Variants in PLCL1 observed in about 807,000 individuals in gnomAD.
PLCL1 encodes the protein inactive phospholipase C-like protein 1.
PLCL1 carries 41 observed loss-of-function variants against 84.4 expected under a neutral mutation model. That is an observed-to-expected ratio of 0.49 (90% CI 0.38 to 0.63). PLCL1 has a LOEUF of 0.63. Ranked by LOEUF, PLCL1 falls within the 30% of genes least tolerant of loss-of-function variation. The pLI is 0.00. For synonymous variants in PLCL1, 490 were observed against 488.3 expected (o/e 1.00, Z -0.05); for missense variants, 1,206 against 1,367.8 (o/e 0.88, Z 1.87).
At chr2:198,051,787 T>G (rs1053911588) in intron 1 of PLCL1, among the ~76,000 whole-genome samples, 26 of 152,182 alleles carry the variant, frequency 1.7e-4, no homozygotes, top group African/African-American at 6.0e-4. Flanking sequence ...CAGGCTGGAG[T>G]GCAGTGGCGC....
chr2:198,018,937 G>GA (rs1165045901), intron 1 of PLCL1, among the ~76,000 whole-genome samples: 1 of 152,230 alleles, frequency 6.6e-6, no homozygotes, highest in African/African-American at 2.4e-5. Context: ...TTCTGACGGG[G>GA]AAATATCTCC....
intron 1 of PLCL1, among the ~76,000 whole-genome samples, chr2:197,828,621 T>C (rs985795497): frequency 8.5e-5 from 13 of 152,164 alleles, no homozygotes; most frequent in Non-Finnish European, 1.9e-4. Flanking sequence ...AAAGGAAATT[T>C]TGTAAAAGTA....
chr2:198,047,557 A>T (rs996447138), intron 1 of PLCL1, among the ~76,000 whole-genome samples: 1 of 152,180 alleles, frequency 6.6e-6, no homozygotes, highest in Non-Finnish European at 1.5e-5. Context: ...GAAGAACACA[A>T]TTTTAATAGG....
intron 1 of PLCL1, among the ~76,000 whole-genome samples, chr2:197,941,769 C>A (rs932788906): frequency 6.6e-6 from 1 of 152,188 alleles, no homozygotes; most frequent in Non-Finnish European, 1.5e-5. Flanking sequence ...CTCTCTCTCT[C>A]CCATTGTTGG....
chr2:198,031,616 C>T (rs1371020731), intron 1 of PLCL1, among the ~76,000 whole-genome samples: 1 of 150,572 alleles, frequency 6.6e-6, no homozygotes, highest in Non-Finnish European at 1.5e-5. Context: ...TTAGCTTCCC[C>T]AGTGCTGAGG....
chr2:197,865,091 C>G (rs1202718249), intron 1 of PLCL1, among the ~76,000 whole-genome samples: 1 of 152,150 alleles, frequency 6.6e-6, no homozygotes, highest in Non-Finnish European at 1.5e-5. Context: ...AACAAATCAT[C>G]TTTTTATAAT....
intron 1 of PLCL1, among the ~76,000 whole-genome samples, chr2:197,833,394 G>T (rs888695155): frequency 1.3e-5 from 2 of 152,190 alleles, no homozygotes; most frequent in Non-Finnish European, 2.9e-5. Flanking sequence ...AGTTGTCTCT[G>T]TTTGCAGATG....
intron 1 of PLCL1, among the ~76,000 whole-genome samples, chr2:198,042,528 G>C (rs2040293450): frequency 6.6e-6 from 1 of 152,154 alleles, no homozygotes; most frequent in African/African-American, 2.4e-5. Context: ...AGACATCTCA[G>C]AGAAGAAGCA....
chr2:198,140,062 T>C (rs1299158275), intron 5 of PLCL1, among the ~76,000 whole-genome samples: 1 of 152,072 alleles, frequency 6.6e-6, no homozygotes, highest in Non-Finnish European at 1.5e-5. Flanking sequence ...GCCTCCTGAG[T>C]AGCTGGGATT....
At chr2:197,954,928 A>T (rs1689456181) in intron 1 of PLCL1, among the ~76,000 whole-genome samples, 1 of 152,104 alleles carries the variant, frequency 6.6e-6, no homozygotes, top group Non-Finnish European at 1.5e-5. Context: ...TTAAGAATTT[A>T]AGAGGAAGCT....
intron 1 of PLCL1, among the ~76,000 whole-genome samples, chr2:198,018,191 T>C (rs915513505): frequency 2.0e-5 from 3 of 152,176 alleles, no homozygotes; most frequent in South Asian, 4.1e-4. Flanking sequence ...GGGACAGTGC[T>C]ATCAGGACCA....
chr2:198,049,906 G>A (rs779797896), intron 1 of PLCL1, among the ~76,000 whole-genome samples: 1 of 152,216 alleles, frequency 6.6e-6, no homozygotes, highest in Non-Finnish European at 1.5e-5. Context: ...GCTGGTCTGT[G>A]TGTAACTAAA....
At chr2:197,984,915 T>A (rs1388723556) in intron 1 of PLCL1, among the ~76,000 whole-genome samples, 2 of 151,964 alleles carry the variant, frequency 1.3e-5, no homozygotes, top group Non-Finnish European at 2.9e-5. Flanking sequence ...CTAAAAATTT[T>A]AAAAATCCTC....
intron 1 of PLCL1, among the ~76,000 whole-genome samples, chr2:198,082,246 G>GT (rs1692731378): frequency 6.6e-6 from 1 of 152,184 alleles, no homozygotes; most frequent in Non-Finnish European, 1.5e-5. Flanking sequence ...ATTGAGAGAG[G>GT]TTAAGTGACT....
At position 197,949,996 on chromosome 2, in the gene PLCL1, A is replaced by G. The variant is rs575419389; in HGVS notation, c.241-133762A>G. Among the ~76,000 whole-genome samples the G allele has an allele frequency of 1.6e-4, 24 of 152,292 alleles. No homozygotes were observed. In the South Asian group the frequency reaches 1.7e-3, roughly 11 times the overall value. ...GAATGCAAGTTCTGCCTCCACCTCC[A>G]CCATTGCATGTACCTAGGGAATCCT... On this transcript the variant is annotated intron_variant, in intron 1 of 5. Transcript: ENST00000428675.
At chr2:197,852,222 C>T (rs1687253134) in intron 1 of PLCL1, among the ~76,000 whole-genome samples, 1 of 150,262 alleles carries the variant, frequency 6.7e-6, no homozygotes. Context: ...TGCACAGCTG[C>T]AATGTGGTAG....
intron 1 of PLCL1, among the ~76,000 whole-genome samples, chr2:197,873,622 G>T (rs865835676): frequency 1.3e-5 from 2 of 152,092 alleles, no homozygotes; most frequent in Non-Finnish European, 2.9e-5. Context: ...GAGTCACAAC[G>T]CATGCATCCA....
chr2:198,050,090 G>C (rs985234668), intron 1 of PLCL1, among the ~76,000 whole-genome samples: 8 of 152,190 alleles, frequency 5.3e-5, no homozygotes, highest in African/African-American at 2.4e-5. Context: ...ACGAGGTGAG[G>C]TTTCGTGAGT....
chr2:197,876,858 T>C (rs1299994392), intron 1 of PLCL1, among the ~76,000 whole-genome samples: 7 of 152,188 alleles, frequency 4.6e-5, no homozygotes, highest in Non-Finnish European at 8.8e-5. Context: ...GGTATTAATT[T>C]TTAAAAATAG....
Sources: gnomAD v4.1 joint callset for allele counts (sites outside exome capture counted in the v4.1 genomes callset) on GRCh38, gnomAD v4.1.1 for gene constraint, MANE v1.5 for transcripts, NCBI Gene and HGNC (gene_info 2026-07-23, HGNC 2026-07-21) for gene names.